Variants in ATP2B1 observed in about 807,000 individuals in gnomAD.
ATP2B1 encodes ATPase plasma membrane Ca2+ transporting 1.
A neutral mutation model predicts 124.2 loss-of-function variants in ATP2B1; 14 were observed. The ratio of observed to expected loss-of-function variants is 0.11; its 90% CI spans 0.07 to 0.18. The LOEUF (loss-of-function observed/expected upper bound fraction) is 0.18, where lower values mean the gene tolerates loss of function less well. Among genes scored for constraint, ATP2B1 ranks in the 10% least tolerant of loss-of-function variants. The pLI, the probability that ATP2B1 is intolerant of heterozygous loss-of-function variation, is 1.00. For missense variants in ATP2B1, 763 were observed against 1,466.1 expected (o/e 0.52, Z 7.83); for synonymous variants, 449 against 492.4 (o/e 0.91, Z 1.17).
chr12:89,629,285 C>T (rs1017166675), intron 6 of ATP2B1, among the ~76,000 whole-genome samples: 2 of 152,078 alleles, frequency 1.3e-5, no homozygotes, highest in African/African-American at 2.4e-5. Context: ...ATATAATCTC[C>T]GTAAGCCTCA....
intron 1 of ATP2B1, among the ~76,000 whole-genome samples, chr12:89,671,994 G>A (rs1313539631): frequency 6.6e-6 from 1 of 152,118 alleles, no homozygotes; most frequent in Non-Finnish European, 1.5e-5. Context: ...TACCCCAAGA[G>A]AGGAGATACC....
chr12:89,594,398 A>G (rs1348561991), intron 20 of ATP2B1: 1 of 152,030 alleles, frequency 6.6e-6, no homozygotes, highest in African/African-American at 2.4e-5. Context: ...AAGTAGAAAT[A>G]TAAGTAAACT....
intron 2 of ATP2B1, among the ~76,000 whole-genome samples, chr12:89,643,521 A>T (rs1285421958): frequency 2.0e-5 from 3 of 152,192 alleles, no homozygotes; most frequent in African/African-American, 7.2e-5. Context: ...CACTTAAGGT[A>T]AAAGGTATAC....
chr12:89,685,260 G>A (rs1015153272), intron 1 of ATP2B1, among the ~76,000 whole-genome samples: 4 of 152,102 alleles, frequency 2.6e-5, no homozygotes, highest in Non-Finnish European at 5.9e-5. Context: ...AGAAGTGCTT[G>A]CTTTTAACCT....
chr12:89,705,540 A>G (rs950045350), intron 1 of ATP2B1, among the ~76,000 whole-genome samples: 12 of 152,178 alleles, frequency 7.9e-5, no homozygotes, highest in African/African-American at 2.2e-4. Flanking sequence ...ACCAATAGTT[A>G]TAAGTGGCCG....
chr12:89,598,176 A>T (rs1490057192), intron 20 of ATP2B1, among the ~76,000 whole-genome samples: 3 of 152,186 alleles, frequency 2.0e-5, no homozygotes, highest in Non-Finnish European at 4.4e-5. Context: ...CAAAATGCTA[A>T]ATTTATTCTT....
At chr12:89,607,121 T>A (rs914882892) in intron 15 of ATP2B1, among the ~76,000 whole-genome samples, 2 of 152,180 alleles carry the variant, frequency 1.3e-5, no homozygotes, top group African/African-American at 4.8e-5. Flanking sequence ...TCATATGATA[T>A]CGCATAGTGT....
intron 1 of ATP2B1, among the ~76,000 whole-genome samples, chr12:89,667,772 T>C (rs1222443322): frequency 1.3e-5 from 2 of 152,212 alleles, no homozygotes; most frequent in Admixed American, 6.5e-5. Flanking sequence ...TCCATGCTCA[T>C]GGATTGGAAG....
chr12:89,599,517 A>C (rs75502911), intron 19 of ATP2B1, among the ~76,000 whole-genome samples: 1 of 152,180 alleles, frequency 6.6e-6, no homozygotes, highest in African/African-American at 2.4e-5. Flanking sequence ...AAGTTTTCCT[A>C]AATGGAAATT....
At chr12:89,679,263 A>C (rs932004650) in intron 1 of ATP2B1, among the ~76,000 whole-genome samples, 1 of 152,206 alleles carries the variant, frequency 6.6e-6, no homozygotes, top group Non-Finnish European at 1.5e-5. Context: ...TGAAGAATAC[A>C]CAACAAAGAT....
intron 1 of ATP2B1, among the ~76,000 whole-genome samples, chr12:89,693,542 C>T (rs910788393): frequency 2.0e-5 from 3 of 152,090 alleles, no homozygotes; most frequent in African/African-American, 7.2e-5. Flanking sequence ...CAGCACACAG[C>T]CGTTGCTTTT....
intron 1 of ATP2B1, among the ~76,000 whole-genome samples, chr12:89,696,926 G>T (rs937961714): frequency 6.6e-5 from 10 of 151,828 alleles, no homozygotes; most frequent in African/African-American, 2.4e-4. Context: ...TTTAGTCAAA[G>T]TAACTAGTGT....
intron 6 of ATP2B1, among the ~76,000 whole-genome samples, chr12:89,629,219 A>G (rs190383680): frequency 6.6e-6 from 1 of 152,314 alleles, no homozygotes; most frequent in Admixed American, 6.5e-5. Flanking sequence ...TAGACTCTTG[A>G]GCCAGAGAAG....
intron 2 of ATP2B1, among the ~76,000 whole-genome samples, chr12:89,651,648 T>A (rs1422348888): frequency 6.6e-6 from 1 of 152,090 alleles, no homozygotes; most frequent in Non-Finnish European, 1.5e-5. Context: ...ATTCCAAAAA[T>A]TTTTTCCCCT....
rs1892382715 is a variant in ATP2B1 at position 89,705,817 on chromosome 12, T to G, written c.-222+2779A>C. Among the ~76,000 whole-genome samples the G allele has an allele frequency of 5.3e-5, 8 of 152,296 alleles. No individual in the cohort carries two copies. In the South Asian group the frequency reaches 1.7e-3, roughly 32 times the overall value. On this transcript the variant is annotated intron_variant, in intron 1 of 20. Transcript: ENST00000428670. ...TTTCATCTCAGAGTTTTTGGCTAATTTTAGTTTAATAAAGACTTATCTACA... is the reference window on the plus strand; with the variant it reads ...TTTCATCTCAGAGTTTTTGGCTAATGTTAGTTTAATAAAGACTTATCTACA...
rs1873068733 is a variant in ATP2B1, at chr12:89,588,861, C to T, written c.*2123G>A. The T allele has an allele frequency of 6.6e-6, 1 of 152,514 alleles. No homozygotes were observed. Among genetic ancestry groups the T allele is most frequent in the South Asian group, 2.1e-4 (1 of 4,828 alleles). The allele number at this position is 152,514 out of a possible 1,614,324, so 9.4% of individuals were successfully genotyped here. A position where few individuals can be genotyped will look rare whatever the true frequency, so the allele number is the denominator to read the frequency against. ...TTTCCCTTTTCTCTATTCCCTATGC[C>T]TTGTGGGCTCTCCAGTTGATAGGGT... On this transcript the variant is annotated 3_prime_UTR_variant, in exon 21 of 21. Coordinates refer to ENST00000428670, the MANE Select transcript of ATP2B1 (RefSeq NM_001366521.1).
At chr12:89,709,021 G>C (rs1367610158), upstream of ATP2B1, 1 of 151,014 alleles carries the variant, frequency 6.6e-6, no homozygotes, top group East Asian at 2.0e-4. Context: ...TCACGCCGCC[G>C]TCCGCAACAG....
intron 19 of ATP2B1, 130 bp from the exon 20 acceptor site, chr12:89,599,429 T>G: frequency 1.1e-6 from 1 of 928,532 alleles, no homozygotes; most frequent in Non-Finnish European, 1.6e-6. Context: ...AATGGGATCC[T>G]GTTGATTAGT....
chr12:89,618,659 G>T (rs1879420843), intron 11 of ATP2B1, among the ~76,000 whole-genome samples: 1 of 152,144 alleles, frequency 6.6e-6, no homozygotes, highest in South Asian at 2.1e-4. Flanking sequence ...CCCCTCCCCA[G>T]TATGACCTGC....
Sources: allele counts gnomAD v4.1 joint callset (sites outside exome capture counted in the v4.1 genomes callset), GRCh38; gene constraint gnomAD v4.1.1; transcripts MANE v1.5; gene names NCBI Gene and HGNC (gene_info 2026-07-23, HGNC 2026-07-21).